The following SMCR8 variants were observed in gnomAD, a reference collection of about 807,000 sequenced individuals.
SMCR8 encodes the protein SMCR8-C9orf72 complex subunit, also known as guanine nucleotide exchange protein SMCR8.
In SMCR8, 30 loss-of-function variants were observed where a neutral mutation model predicts 56.6. The ratio of observed to expected loss-of-function variants is 0.53; its 90% CI spans 0.40 to 0.72. The LOEUF (loss-of-function observed/expected upper bound fraction) is 0.72, where lower values mean the gene tolerates loss of function less well. Ranked by LOEUF, SMCR8 falls within the 30% of genes least tolerant of loss-of-function variation. The probability of loss-of-function intolerance (pLI) is 0.00; values close to 1 mark genes in which losing one functional copy is unlikely to be tolerated. For missense variants in SMCR8, 1,198 were observed against 1,157.0 expected, an observed-to-expected ratio of 1.04 and a Z score of -0.51; for synonymous variants, 538 against 456.0, an observed-to-expected ratio of 1.18 and a Z score of -2.29.
At position 18,326,620 on chromosome 17, in the gene SMCR8, A is replaced by G. The variant is rs1567762270; in HGVS notation, c.*3550A>G. ...TGAAAACAGTTGCCATATTCAAAGTATAGTAGATTTCAACCTCACACAAAT... is the reference window on the plus strand; with the variant it reads ...TGAAAACAGTTGCCATATTCAAAGTGTAGTAGATTTCAACCTCACACAAAT... On this transcript the variant is annotated 3_prime_UTR_variant, in exon 2 of 2. Transcript: ENST00000406438. 1 of 152,246 alleles carries G rather than the reference A, an allele frequency of 6.6e-6. No individual in the cohort carries two copies. Among genetic ancestry groups the G allele is most frequent in the African/African-American group, 2.4e-5 (1 of 41,466 alleles). The allele number at this position is 152,246 out of a possible 1,614,324, so 9.4% of individuals were successfully genotyped here.
Position 18,327,356 on chromosome 17 carries a change from C to G in SMCR8, c.*4286C>G, listed in dbSNP as rs1036421788. On this transcript the variant is annotated 3_prime_UTR_variant, in exon 2 of 2. Coordinates refer to ENST00000406438, the MANE Select transcript of SMCR8 (RefSeq NM_144775.3). The stretch of plus-strand genomic sequence containing the variant: ...TGCTTATTCAGCCCAAGAGTGGAGG[C>G]TGTTTACAGCGAGCCCTGGAGATGG... 7.2e-5 allele frequency: 11 copies of G among 152,290 alleles called. No individual in the cohort carries two copies. Among genetic ancestry groups the G allele is most frequent in the African/African-American group, 2.7e-4 (11 of 41,468 alleles). 9.4% of individuals were successfully genotyped at this position (152,290 alleles called of 1,614,324 possible). A position where few individuals can be genotyped will look rare whatever the true frequency, so the allele number is the denominator to read the frequency against.
Position 18,322,945 on chromosome 17 carries a change from G to C in SMCR8, c.2689G>C (p.Glu897Gln). The C allele has an allele frequency of 6.2e-7, 1 of 1,614,260 alleles. No individual in the cohort carries two copies. The highest frequency in any genetic ancestry group is 8.5e-7 in the Non-Finnish European group (1 of 1,180,052). The change falls in exon 2 of 2, where the codon GAG (glutamate) becomes CAG (glutamine). Residue 897 changes from glutamate (E) to glutamine (Q), a missense_variant. By Grantham distance (29) the Glu-to-Gln change is conservative. Transcript: ENST00000406438. ...FLKLTLGLVN[E>Q]DVRVVQYLAE... ...AAAGCTGACCCTGGGTCTGGTGAATGAGGATGTTAGGGTGGTCCAGTACCT... is the reference window on the plus strand; with the variant it reads ...AAAGCTGACCCTGGGTCTGGTGAATCAGGATGTTAGGGTGGTCCAGTACCT...
In SMCR8 at chr17:18,315,515, C is replaced by T; in HGVS notation, c.-275C>T. ...TTCGCAGCAGGTTTCTTGTGCTGGC[C>T]GCGCTCGCCGGACGAAGAAGAGAAG... On this transcript the variant is annotated 5_prime_UTR_variant, in exon 1 of 2. Transcript: ENST00000406438. 2.5e-6 allele frequency: 1 copy of T among 402,346 alleles called. No individual in the cohort carries two copies. Among genetic ancestry groups the T allele is most frequent in the South Asian group, 4.2e-5 (1 of 23,988 alleles). The allele number at this position is 402,346 out of a possible 1,614,324, so 24.9% of individuals were successfully genotyped here.
rs761633056 is a variant in SMCR8, at chr17:18,322,652, C to T, written c.2396C>T (p.Ala799Val). 6.8e-6 allele frequency: 11 copies of T among 1,614,182 alleles called. No individual in the cohort carries two copies. The highest frequency in any genetic ancestry group is 7.6e-6 in the Non-Finnish European group (9 of 1,180,026). ...ASPAGAGTLH[A>V]LSRYSRYTSI... Reference sequence around the variant, plus strand: ...CCTGCCGGTGCCGGTACCCTCCATGCCCTGAGCCGCTACAGCCGCTACACG... The same window carrying T: ...CCTGCCGGTGCCGGTACCCTCCATGTCCTGAGCCGCTACAGCCGCTACACG... The change falls in exon 2 of 2, where the codon GCC (alanine) becomes GTC (valine). Residue 799 changes from alanine (A) to valine (V), a missense_variant. Coordinates refer to ENST00000406438, the MANE Select transcript of SMCR8 (RefSeq NM_144775.3).
rs1982353133 is a variant in SMCR8, at chr17:18,317,428, T to C, written c.1639T>C (p.Tyr547His). The C allele has an allele frequency of 6.2e-7, 1 of 1,613,928 alleles. No individual in the cohort carries two copies. The highest frequency in any genetic ancestry group is 8.5e-7 in the Non-Finnish European group (1 of 1,180,024). Residue 547 changes from tyrosine (Y) to histidine (H), a missense_variant, in exon 1 of 2, where the codon TAT (tyrosine) becomes CAT (histidine). Coordinates refer to ENST00000406438, the MANE Select transcript of SMCR8 (RefSeq NM_144775.3). The stretch of plus-strand genomic sequence containing the variant: ...AAGTGCCATTAATGAAGAAGAATCA[T>C]ATCCAGATGGCAATGAAGGAGCCAT... Reference protein sequence around the residue: ...YPSAINEEESYPDGNEGAIRF... With the variant: ...YPSAINEEESHPDGNEGAIRF...
chr17:18,316,264 T>G lies in SMCR8; in HGVS notation c.475T>G (p.Ser159Ala). 6.2e-7 allele frequency: 1 copy of G among 1,613,882 alleles called. No individual in the cohort carries two copies. The highest frequency in any genetic ancestry group is 1.3e-5 in the African/African-American group (1 of 75,022). The change falls in exon 1 of 2, where the codon TCT becomes GCT. Residue 159 changes from serine (S) to alanine (A), a missense_variant. Physicochemically the swap from Ser to Ala is moderately conservative, Grantham distance 99. Transcript: ENST00000406438. ...GAGGCCGTTTTGCATGGCTTATATC[T>G]CTGCAGACCAGCATAAAATCATGCA... ...FVRPFCMAYI[S>A]ADQHKIMQQF...
chr17:18,319,105 G>T (rs1982421983), intron 1 of SMCR8, among the ~76,000 whole-genome samples: 1 of 152,194 alleles, frequency 6.6e-6, no homozygotes, highest in Admixed American at 6.5e-5. Context: ...CCACCTGAGG[G>T]TATGATAAGA....
In SMCR8 at chr17:18,317,287, C is replaced by T; in HGVS notation, c.1498C>T (p.Gln500Ter). ...AAGCCTCACAGTACCATTGAGCCCCCAGGTGGTCCGGAGCAAAGCAGTCAG... is the reference window on the plus strand; with the variant it reads ...AAGCCTCACAGTACCATTGAGCCCCTAGGTGGTCCGGAGCAAAGCAGTCAG... ...QASLTVPLSP[Q>*]VVRSKAVSHR... The change falls in exon 1 of 2, where the codon CAG becomes TAG. Residue 500 changes from glutamine (Q) to a stop codon, truncating the protein, a stop_gained. Transcript: ENST00000406438. LOFTEE classifies it high-confidence loss of function. 6.2e-7 allele frequency: 1 copy of T among 1,614,132 alleles called. No homozygotes were observed. The highest frequency in any genetic ancestry group is 8.5e-7 in the Non-Finnish European group (1 of 1,180,030).
Position 18,318,070 on chromosome 17 carries a change from G to A in SMCR8, c.2281G>A (p.Ala761Thr), listed in dbSNP as rs144760050. ...AIFVPSYGCY[A>T]KPVKHWASSP... ...CTTTGTCCCCAGCTATGGCTGCTAC[G>A]CTAAGCCCGTGAAACATTGGGCCTC... Residue 761 changes from alanine (A) to threonine (T), a missense_variant, in exon 1 of 2, where the codon GCT becomes ACT. By Grantham distance (58) the Ala-to-Thr change is moderately conservative (BLOSUM62 0). Transcript: ENST00000406438. The A allele has an allele frequency of 1.4e-5, 23 of 1,614,084 alleles. No homozygotes were observed. The highest frequency in any genetic ancestry group is 3.3e-4 in the Middle Eastern group (2 of 6,084).
Position 18,317,074 on chromosome 17 carries a change from A to G in SMCR8, c.1285A>G (p.Met429Val), listed in dbSNP as rs746724927. The G allele has an allele frequency of 6.2e-7, 1 of 1,614,094 alleles. No homozygotes were observed. Among genetic ancestry groups the G allele is most frequent in the South Asian group, 1.1e-5 (1 of 91,088 alleles). Residue 429 changes from methionine (M) to valine (V), a missense_variant, in exon 1 of 2, where the codon ATG (methionine) becomes GTG (valine). Met to Val is a conservative substitution (Grantham distance 21). Transcript: ENST00000406438. ...CAGTGTGGAGTCTGTGTTGATCAAGATGGAGCAGGAACTGGGAGATGAGGA... is the reference window on the plus strand; with the variant it reads ...CAGTGTGGAGTCTGTGTTGATCAAGGTGGAGCAGGAACTGGGAGATGAGGA... ...KSSVESVLIK[M>V]EQELGDEEYK...
At chr17:18,318,759 G>A (rs962834189) in intron 1 of SMCR8, among the ~76,000 whole-genome samples, 4 of 152,184 alleles carry the variant, frequency 2.6e-5, no homozygotes, top group African/African-American at 9.7e-5. Flanking sequence ...GTTCTGATTC[G>A]GTTGGTGTGA....
intron 1 of SMCR8, among the ~76,000 whole-genome samples, chr17:18,319,087 A>C (rs933638732): frequency 6.6e-6 from 1 of 152,222 alleles, no homozygotes; most frequent in African/African-American, 2.4e-5. Flanking sequence ...GGAGGTGAGC[A>C]GTAGACGCCA....
At position 18,324,263 on chromosome 17, in the gene SMCR8, G is replaced by A. The variant is rs552475472; in HGVS notation, c.*1193G>A. On this transcript the variant is annotated 3_prime_UTR_variant, in exon 2 of 2. Transcript: ENST00000406438. ...GTGCACCTCAGTCACCACAGCTCAC[G>A]GCCGTCCCCAGTTGAGTCCCCCTTC... The A allele has an allele frequency of 6.6e-6, 1 of 152,160 alleles. No individual in the cohort carries two copies. The highest frequency in any genetic ancestry group is 1.5e-5 in the Non-Finnish European group (1 of 68,056). The allele number at this position is 152,160 out of a possible 1,614,324, so 9.4% of individuals were successfully genotyped here.
Position 18,315,695 on chromosome 17 carries a change from T to G in SMCR8, c.-95T>G. On this transcript the variant is annotated 5_prime_UTR_variant, in exon 1 of 2. Transcript: ENST00000406438. ...GAGTCGCAAAGAAGGCCGTAAGGGCTTCACTTCCTTCTCCGGAGGCCTGCC... is the reference window on the plus strand; with the variant it reads ...GAGTCGCAAAGAAGGCCGTAAGGGCGTCACTTCCTTCTCCGGAGGCCTGCC... 4 of 1,241,118 alleles carry G rather than the reference T, an allele frequency of 3.2e-6. No homozygotes were observed. The highest frequency in any genetic ancestry group is 4.5e-6 in the Non-Finnish European group (4 of 893,334). The allele number at this position is 1,241,118 out of a possible 1,614,324, so 76.9% of individuals were successfully genotyped here.
At position 18,316,870 on chromosome 17, in the gene SMCR8, C is replaced by T. The variant is rs780395352; in HGVS notation, c.1081C>T (p.Leu361Phe). 3.3e-5 allele frequency: 54 copies of T among 1,614,090 alleles called. No individual in the cohort carries two copies. The Admixed American group carries it at 8.3e-4, about 25-fold the overall frequency. Reference protein sequence around the residue: ...YLLTSQIDRALLKQQHITNFL... With the variant: ...YLLTSQIDRAFLKQQHITNFL... ...CCTGACCAGTCAGATTGATAGAGCA[C>T]TTCTAAAACAACAGCATATAACAAA... is the stretch of plus-strand genomic sequence containing the variant. Residue 361 changes from leucine to phenylalanine, a missense_variant, in exon 1 of 2, where the codon CTT (leucine) becomes TTT (phenylalanine). Transcript: ENST00000406438.
chr17:18,324,236 G>C lies in SMCR8; in HGVS notation c.*1166G>C, dbSNP rs1265121386. On this transcript the variant is annotated 3_prime_UTR_variant, in exon 2 of 2. Coordinates refer to ENST00000406438, the MANE Select transcript of SMCR8 (RefSeq NM_144775.3). ...CTTCAGGTTCTGCCTCTGGGAGGCT[G>C]TGTGCACCTCAGTCACCACAGCTCA... 6.6e-6 allele frequency: 1 copy of C among 152,260 alleles called. No individual in the cohort carries two copies. The highest frequency in any genetic ancestry group is 6.5e-5 in the Admixed American group (1 of 15,284). 9.4% of individuals were successfully genotyped at this position (152,260 alleles called of 1,614,324 possible).
Position 18,316,725 on chromosome 17 carries a change from C to T in SMCR8, c.936C>T (p.Thr312=). The T allele has an allele frequency of 6.2e-7, 1 of 1,614,164 alleles. No individual in the cohort carries two copies. Among genetic ancestry groups the T allele is most frequent in the South Asian group, 1.1e-5 (1 of 91,084 alleles). Residue 312 remains threonine, a synonymous_variant, in exon 1 of 2, where the codon ACC becomes ACT. Coordinates refer to ENST00000406438, the MANE Select transcript of SMCR8 (RefSeq NM_144775.3). ...CAAAACTTATCAAAGCAAAGTCCAC[C>T]AAGTGTTTTGACAAGAAGTTGAAGA... ...YTPKLIKAKS[T]KCFDKKLKTL...
Position 18,317,870 on chromosome 17 carries a change from C to T in SMCR8, c.2081C>T (p.Pro694Leu). The stretch of plus-strand genomic sequence containing the variant: ...TCAGACAGGATCCCCTCTGCTTATC[C>T]TGCTGGCCTGTCTTCCGATAGGCAT... Reference protein sequence around the residue: ...TSSDRIPSAYPAGLSSDRHKK... With the variant: ...TSSDRIPSAYLAGLSSDRHKK... The change falls in exon 1 of 2, where the codon CCT becomes CTT. Residue 694 changes from proline to leucine, a missense_variant. Coordinates refer to ENST00000406438, the MANE Select transcript of SMCR8 (RefSeq NM_144775.3). 1.2e-6 allele frequency: 2 copies of T among 1,614,168 alleles called. No homozygotes were observed. Among genetic ancestry groups the T allele is most frequent in the Non-Finnish European group, 1.7e-6 (2 of 1,180,036 alleles).
chr17:18,317,853 G>C lies in SMCR8; in HGVS notation c.2064G>C (p.Arg688Ser). 27 of 1,614,154 alleles carry C rather than the reference G, an allele frequency of 1.7e-5. No individual in the cohort carries two copies. Among genetic ancestry groups the C allele is most frequent in the Non-Finnish European group, 2.2e-5 (26 of 1,180,040 alleles). ...VSSVASTSSDRIPSAYPAGLS... is the reference protein window; with the variant it reads ...VSSVASTSSDSIPSAYPAGLS... The stretch of plus-strand genomic sequence containing the variant: ...GTGTAGCGTCCACCAGCTCAGACAG[G>C]ATCCCCTCTGCTTATCCTGCTGGCC... The change falls in exon 1 of 2, where the codon AGG becomes AGC. Residue 688 changes from arginine to serine, a missense_variant. Arg to Ser is a moderately radical substitution (Grantham distance 110). Coordinates refer to ENST00000406438, the MANE Select transcript of SMCR8 (RefSeq NM_144775.3).
Sources: gnomAD v4.1 joint callset for allele counts (sites outside exome capture counted in the v4.1 genomes callset) on GRCh38, gnomAD v4.1.1 for gene constraint, MANE v1.5 for transcripts, NCBI Gene and HGNC (gene_info 2026-07-23, HGNC 2026-07-21) for gene names.